The following EVI5 variants were observed in gnomAD, a reference collection of about 807,000 sequenced individuals.
EVI5 encodes ecotropic viral integration site 5 protein homolog.
In EVI5, 73 loss-of-function variants were observed where a neutral mutation model predicts 112.0. That is an observed-to-expected ratio of 0.65 (90% confidence interval 0.54 to 0.79). EVI5 has a LOEUF of 0.79. Ranked by LOEUF, EVI5 falls within the 30% of genes least tolerant of loss-of-function variation. EVI5 has a pLI of 0.00. For missense variants in EVI5, 900 were observed against 968.8 expected (o/e 0.93, Z 0.94); for synonymous variants, 305 against 319.9 (o/e 0.95, Z 0.50).
intron 18 of EVI5, among the ~76,000 whole-genome samples, chr1:92,603,258 TA>T (rs934213375): frequency 6.6e-6 from 1 of 152,188 alleles, no homozygotes; most frequent in South Asian, 2.1e-4. Context: ...GGTAGAAATG[TA>T]AAATGGTGTA....
intron 13 of EVI5, among the ~76,000 whole-genome samples, chr1:92,649,098 T>A (rs1231854175): frequency 6.6e-6 from 1 of 152,232 alleles, no homozygotes; most frequent in Admixed American, 6.5e-5. Flanking sequence ...CTCATCATGG[T>A]TTTGCTCTGC....
chr1:92,756,811 C>A, intron 1 of EVI5: 2 of 517,462 alleles, frequency 3.9e-6, no homozygotes, highest in South Asian at 2.9e-5. Flanking sequence ...AACTAGTGTT[C>A]AGGGCCTTGG....
At chr1:92,756,942 C>T (rs1681050158) in intron 1 of EVI5, 1 of 320,644 alleles carries the variant, frequency 3.1e-6, no homozygotes, top group Non-Finnish European at 6.3e-6. Flanking sequence ...TGTATTACTT[C>T]ATGCTTTGAA....
chr1:92,677,231 A>T lies in EVI5; in HGVS notation c.1098-13T>A, dbSNP rs1301501048. ...TTCCTTTTCAAGCCTAAGAAAGGAA[A>T]AAAAAAGAGTTAAAGGTAATGTTTT... On this transcript the variant is annotated splice_polypyrimidine_tract_variant and intron_variant, in intron 9 of 19. Coordinates refer to ENST00000684568, the MANE Select transcript of EVI5 (RefSeq NM_001350197.2). 1 of 1,450,064 alleles carries T rather than the reference A, an allele frequency of 6.9e-7. No homozygotes were observed. The highest frequency in any genetic ancestry group is 9.5e-7 in the Non-Finnish European group (1 of 1,052,198). The allele number at this position is 1,450,064 out of a possible 1,614,324, so 89.8% of individuals were successfully genotyped here.
intron 12 of EVI5, among the ~76,000 whole-genome samples, chr1:92,663,120 G>C (rs879502793): frequency 6.6e-5 from 10 of 152,146 alleles, no homozygotes; most frequent in Non-Finnish European, 1.3e-4. Flanking sequence ...ATATTACTGA[G>C]TTGTACATGC....
chr1:92,691,467 A>C (rs969906402), intron 9 of EVI5, among the ~76,000 whole-genome samples: 4 of 152,222 alleles, frequency 2.6e-5, no homozygotes, highest in African/African-American at 9.6e-5. Flanking sequence ...GTTATGTCTG[A>C]AAATTTTCCC....
intron 16 of EVI5, among the ~76,000 whole-genome samples, chr1:92,617,939 A>G (rs1653602174): frequency 6.6e-6 from 1 of 152,174 alleles, no homozygotes; most frequent in African/African-American, 2.4e-5. Context: ...TAAGGCACTC[A>G]CTTTATGGCC....
At chr1:92,666,116 T>G in intron 10 of EVI5, 124 bp from the exon 11 acceptor site, 1 of 596,410 alleles carries the variant, frequency 1.7e-6, no homozygotes, top group Non-Finnish European at 2.9e-6. Context: ...AATGATTACA[T>G]TATCAAATGT....
intron 13 of EVI5, among the ~76,000 whole-genome samples, chr1:92,643,432 A>G (rs1354728212): frequency 1.3e-5 from 2 of 151,310 alleles, no homozygotes; most frequent in Non-Finnish European, 2.9e-5. Flanking sequence ...GGCATGTGCC[A>G]CCATGCTTGG....
intron 18 of EVI5, among the ~76,000 whole-genome samples, chr1:92,581,854 G>A (rs865941842): frequency 2.0e-5 from 3 of 152,138 alleles, no homozygotes; most frequent in Non-Finnish European, 4.4e-5. Context: ...TGGCATAGAA[G>A]GTCAATACAT....
intron 16 of EVI5, among the ~76,000 whole-genome samples, chr1:92,610,959 A>AG (rs1313638948): frequency 3.1e-5 from 4 of 128,600 alleles, no homozygotes; most frequent in African/African-American, 9.1e-5. Context: ...GGGTTGGGGG[A>AG]GGGGGGAGGG....
rs55898086 is a variant in EVI5 at position 92,551,040 on chromosome 1, C to CTTTTTTTTTTTTTT, written c.2166+12588_2166+12601dup. 2.1e-4 allele frequency among the ~76,000 whole-genome samples: 17 copies of CTTTTTTTTTTTTTT among 80,692 alleles called. 1 individual carries two copies. Among genetic ancestry groups the CTTTTTTTTTTTTTT allele is most frequent in the South Asian group, 5.1e-4 (1 of 1,964 alleles). 52.9% of individuals were successfully genotyped at this position (80,692 alleles called of 152,430 possible). ...TCTTTTTTCTTTTCTTTCTTTCTTT[C>CTTTTTTTTTTTTTT]TTTTTTTTTTTTTTTTTTTTGAGAC... On this transcript the variant is annotated intron_variant, in intron 19 of 19. Coordinates refer to ENST00000684568, the MANE Select transcript of EVI5 (RefSeq NM_001350197.2).
intron 13 of EVI5, among the ~76,000 whole-genome samples, chr1:92,653,445 C>T (rs576687990): frequency 1.3e-5 from 2 of 152,370 alleles, no homozygotes; most frequent in South Asian, 4.1e-4. Flanking sequence ...GATGTGGGCA[C>T]TGTGCTTGGC....
chr1:92,664,153 A>G (rs1433269328), intron 11 of EVI5, among the ~76,000 whole-genome samples: 1 of 152,238 alleles, frequency 6.6e-6, no homozygotes, highest in East Asian at 1.9e-4. Flanking sequence ...AGCAATTCCA[A>G]TTATAAAGTG....
intron 13 of EVI5, among the ~76,000 whole-genome samples, chr1:92,657,649 C>T (rs1212818430): frequency 6.6e-6 from 1 of 151,796 alleles, no homozygotes; most frequent in Non-Finnish European, 1.5e-5. Context: ...GGTGACAGAG[C>T]AAGATCCTGT....
In EVI5 at chr1:92,748,369, C is replaced by A. The variant is rs116550464; in HGVS notation, c.-81-11742G>T. Among the ~76,000 whole-genome samples, 162 of 152,308 alleles carry A rather than the reference C, an allele frequency of 1.1e-3. 3 individuals carry two copies. Among genetic ancestry groups the A allele is most frequent in the African/African-American group, 3.7e-3 (155 of 41,576 alleles). On this transcript the variant is annotated intron_variant, in intron 1 of 19. Transcript: ENST00000684568. The stretch of plus-strand genomic sequence containing the variant: ...AATGTGAACATACCCCCAACTGATT[C>A]TAGGCCCTAAGTGAAGAGTCAGCCC...
At chr1:92,594,597 A>C (rs1238432678) in intron 18 of EVI5, among the ~76,000 whole-genome samples, 1 of 151,674 alleles carries the variant, frequency 6.6e-6, no homozygotes, top group African/African-American at 2.4e-5. Flanking sequence ...GCTTCTGCAC[A>C]GCAAAAGAAA....
intron 19 of EVI5, among the ~76,000 whole-genome samples, chr1:92,555,069 GC>G (rs1667480739): frequency 6.6e-6 from 1 of 152,170 alleles, no homozygotes; most frequent in Non-Finnish European, 1.5e-5. Flanking sequence ...CATTTGATGG[GC>G]TTAAAGCAAT....
intron 19 of EVI5, among the ~76,000 whole-genome samples, chr1:92,518,302 G>A (rs1297287413): frequency 1.3e-5 from 2 of 152,096 alleles, no homozygotes; most frequent in Non-Finnish European, 2.9e-5. Flanking sequence ...TGAAATGCCA[G>A]TAAAAACAAA....
Sources: allele counts gnomAD v4.1 joint callset (sites outside exome capture counted in the v4.1 genomes callset), GRCh38; gene constraint gnomAD v4.1.1; transcripts MANE v1.5; gene names NCBI Gene and HGNC (gene_info 2026-07-23, HGNC 2026-07-21).